The following POU2AF2 variants were observed in gnomAD, a reference collection of about 807,000 sequenced individuals.
POU2AF2 encodes the protein POU class 2 homeobox associating factor 2.
the POU2AF2 span, among the ~76,000 whole-genome samples, chr11:111,247,396 T>C: frequency 2.0e-5 from 3 of 152,218 alleles, no homozygotes; most frequent in African/African-American, 7.2e-5. Context: ...AGTTTGTGGA[T>C]ACCTACAGTG....
the POU2AF2 span, among the ~76,000 whole-genome samples, chr11:111,264,577 G>GAAAGAAAGAAA: frequency 1.7e-3 from 39 of 22,946 alleles, 2 homozygotes; most frequent in South Asian, 0.01. Flanking sequence ...AGAAAGAAAG[G>GAAAGAAAGAAA]GAGAGAGAAA....
the POU2AF2 span, among the ~76,000 whole-genome samples, chr11:111,272,811 G>T: frequency 1.3e-5 from 2 of 152,094 alleles, no homozygotes; most frequent in African/African-American, 4.8e-5. Flanking sequence ...TTCTGCTCTA[G>T]ACAAGCCAAC....
chr11:111,261,361 A>C, the POU2AF2 span, among the ~76,000 whole-genome samples: 2 of 152,140 alleles, frequency 1.3e-5, no homozygotes, highest in African/African-American at 4.8e-5. Flanking sequence ...AAAGCTAAAC[A>C]TCGAATTATT....
At chr11:111,275,022 A>G in the POU2AF2 span, among the ~76,000 whole-genome samples, 1 of 152,252 alleles carries the variant, frequency 6.6e-6, no homozygotes, top group African/African-American at 2.4e-5. Flanking sequence ...ACAGTTGACC[A>G]TAGCAATGGC....
At chr11:111,266,142 C>G in the POU2AF2 span, among the ~76,000 whole-genome samples, 1 of 152,100 alleles carries the variant, frequency 6.6e-6, no homozygotes, top group Admixed American at 6.6e-5. Flanking sequence ...AAATGAAAGT[C>G]TGAATATTTT....
the POU2AF2 span, among the ~76,000 whole-genome samples, chr11:111,277,647 G>A: frequency 7.2e-5 from 11 of 152,334 alleles, no homozygotes; most frequent in Admixed American, 1.3e-4. Context: ...TTGGGCATGT[G>A]TGCTGTGTCT....
At chr11:111,264,714 GAAGAGAAAGAAAGA>G in the POU2AF2 span, among the ~76,000 whole-genome samples, 37 of 140,628 alleles carry the variant, frequency 2.6e-4, no homozygotes, top group African/African-American at 6.1e-4. Flanking sequence ...GAAAGAAGAA[GAAGAGAAAGAAAGA>G]AAGAGAAAGA....
At chr11:111,284,286 TG>T in the POU2AF2 span, 1 of 1,613,784 alleles carries the variant, frequency 6.2e-7, no homozygotes. Flanking sequence ...CCTCCGGCGC[TG>T]ACGCCCAACG....
the POU2AF2 span, chr11:111,283,988 C>T: frequency 1.5e-5 from 19 of 1,228,636 alleles, no homozygotes; most frequent in South Asian, 2.4e-4. Context: ...TTAGTAACAT[C>T]GTTTCCCAGG....
chr11:111,256,159 C>G, the POU2AF2 span: 1 of 398,706 alleles, frequency 2.5e-6, no homozygotes. Context: ...TATCCACACA[C>G]CAATCACCTA....
At chr11:111,285,601 C>G in the POU2AF2 span, 1 of 1,566,850 alleles carries the variant, frequency 6.4e-7, no homozygotes, top group Non-Finnish European at 8.6e-7. Context: ...CACAATGTAT[C>G]ATCAGAGTGT....
chr11:111,285,547 G>A, the POU2AF2 span: 4 of 1,227,736 alleles, frequency 3.3e-6, no homozygotes, highest in Non-Finnish European at 4.5e-6. Context: ...TCAGGCAGCA[G>A]AGAGAGGGGA....
At chr11:111,245,919 T>TTGA in the POU2AF2 span, 1 of 398,536 alleles carries the variant, frequency 2.5e-6, no homozygotes, top group Non-Finnish European at 4.4e-6. Flanking sequence ...ATTTTTATTT[T>TTGA]TGATAACACA....
At chr11:111,264,320 A>G in the POU2AF2 span, among the ~76,000 whole-genome samples, 1 of 151,812 alleles carries the variant, frequency 6.6e-6, no homozygotes. Context: ...ACGTGGTGAA[A>G]CCCCATCTCT....
the POU2AF2 span, among the ~76,000 whole-genome samples, chr11:111,283,573 T>C: frequency 1.3e-5 from 2 of 152,162 alleles, no homozygotes; most frequent in Non-Finnish European, 2.9e-5. Flanking sequence ...GTAAGGTCAA[T>C]GTGTGAAGAA....
the POU2AF2 span, chr11:111,281,276 A>ATT: frequency 1.4e-6 from 1 of 727,848 alleles, no homozygotes; most frequent in Non-Finnish European, 2.2e-6. Context: ...CTGAGGGTCA[A>ATT]CCCAACTCCC....
At chr11:111,276,447 A>AT in the POU2AF2 span, among the ~76,000 whole-genome samples, 51 of 30,264 alleles carry the variant, frequency 1.7e-3, no homozygotes, top group African/African-American at 4.0e-3. Flanking sequence ...AAGAAAAAAA[A>AT]AAAAAAATAT....
chr11:111,263,713 G>A, the POU2AF2 span, among the ~76,000 whole-genome samples: 3 of 152,190 alleles, frequency 2.0e-5, no homozygotes, highest in South Asian at 2.1e-4. Context: ...TTACAGGCGT[G>A]AGCCACTGTG....
At chr11:111,264,577 G>GAGAGAAA in the POU2AF2 span, among the ~76,000 whole-genome samples, 1 of 22,930 alleles carries the variant, frequency 4.4e-5, no homozygotes, top group African/African-American at 1.5e-4. Context: ...AGAAAGAAAG[G>GAGAGAAA]GAGAGAGAAA....
Sources: gnomAD v4.1 joint callset for allele counts (sites outside exome capture counted in the v4.1 genomes callset) on GRCh38, gnomAD v4.1.1 for gene constraint, MANE v1.5 for transcripts, NCBI Gene and HGNC (gene_info 2026-07-23, HGNC 2026-07-21) for gene names.